The following SHISA6 variants were observed in gnomAD, a reference collection of about 807,000 sequenced individuals.
The protein encoded by SHISA6 is shisa family member 6, also known as protein shisa-6.
In SHISA6, 22 loss-of-function variants were observed where a neutral mutation model predicts 47.9. That is an observed-to-expected ratio of 0.46 (90% CI 0.33 to 0.66). The LOEUF is 0.66. Ranked by LOEUF, SHISA6 falls within the 30% of genes least tolerant of loss-of-function variation. The pLI is 0.02. For missense variants in SHISA6, 680 were observed against 764.6 expected (o/e 0.89, Z 1.30); for synonymous variants, 388 against 337.8 (o/e 1.15, Z -1.63).
chr17:11,379,096 A>G (rs1052577249), intron 2 of SHISA6, among the ~76,000 whole-genome samples: 1 of 149,706 alleles, frequency 6.7e-6, no homozygotes, highest in African/African-American at 2.4e-5. Context: ...AGTTTTATAT[A>G]CATATATGTG....
At chr17:11,544,373 C>A (rs2071863479) in intron 3 of SHISA6, among the ~76,000 whole-genome samples, 2 of 151,988 alleles carry the variant, frequency 1.3e-5, no homozygotes, top group Non-Finnish European at 2.9e-5. Flanking sequence ...AAAATGCAAT[C>A]TGATTTAAAA....
intron 3 of SHISA6, among the ~76,000 whole-genome samples, chr17:11,504,612 T>C (rs1018541501): frequency 6.6e-6 from 1 of 152,076 alleles, no homozygotes; most frequent in Non-Finnish European, 1.5e-5. Flanking sequence ...GTGGGGGGTA[T>C]TGCAAGAAAA....
intron 2 of SHISA6, among the ~76,000 whole-genome samples, chr17:11,303,459 G>A (rs1368939371): frequency 6.6e-6 from 1 of 152,068 alleles, no homozygotes; most frequent in Admixed American, 6.6e-5. Context: ...ATGGCTGTAT[G>A]TGTGGTTGTG....
At chr17:11,551,311 A>C (rs1457367252) in intron 3 of SHISA6, among the ~76,000 whole-genome samples, 1 of 152,200 alleles carries the variant, frequency 6.6e-6, no homozygotes, top group Non-Finnish European at 1.5e-5. Context: ...CCTTTGAACT[A>C]TTAGACTGTG....
intron 3 of SHISA6, among the ~76,000 whole-genome samples, chr17:11,457,463 G>A (rs1013191803): frequency 6.6e-6 from 1 of 152,144 alleles, no homozygotes; most frequent in African/African-American, 2.4e-5. Context: ...CGGGCACGGT[G>A]GCTCATGCCT....
chr17:11,414,914 C>T (rs1409794451), intron 3 of SHISA6, among the ~76,000 whole-genome samples: 8 of 151,744 alleles, frequency 5.3e-5, no homozygotes, highest in Non-Finnish European at 7.4e-5. Flanking sequence ...GGTGAAACCC[C>T]GTCTCTACTA....
intron 3 of SHISA6, among the ~76,000 whole-genome samples, chr17:11,477,793 C>T: frequency 6.6e-6 from 1 of 151,074 alleles, no homozygotes; most frequent in South Asian, 2.1e-4. Context: ...TGTATATGTG[C>T]CACATTTTCT....
chr17:11,391,924 T>C (rs936234084), intron 3 of SHISA6, among the ~76,000 whole-genome samples: 1 of 152,168 alleles, frequency 6.6e-6, no homozygotes, highest in African/African-American at 2.4e-5. Flanking sequence ...CTCTGAGTCT[T>C]GGACCATTCA....
chr17:11,474,875 T>C (rs1199217495), intron 3 of SHISA6, among the ~76,000 whole-genome samples: 1 of 152,180 alleles, frequency 6.6e-6, no homozygotes, highest in African/African-American at 2.4e-5. Context: ...ATCCACAATA[T>C]CCACAAAATA....
At chr17:11,390,432 C>G (rs1913346564) in intron 3 of SHISA6, among the ~76,000 whole-genome samples, 1 of 152,094 alleles carries the variant, frequency 6.6e-6, no homozygotes, top group African/African-American at 2.4e-5. Flanking sequence ...GAATCTTACC[C>G]CTCAAAGGAT....
At chr17:11,401,739 T>C (rs1913780962) in intron 3 of SHISA6, among the ~76,000 whole-genome samples, 1 of 152,194 alleles carries the variant, frequency 6.6e-6, no homozygotes, top group Admixed American at 6.5e-5. Flanking sequence ...ATATCCTCCA[T>C]GTGGTACCTC....
At chr17:11,411,440 A>T (rs139975326) in intron 3 of SHISA6, among the ~76,000 whole-genome samples, 6,864 of 151,978 alleles carry the variant, frequency 0.045, 330 homozygotes, top group African/African-American at 0.12. Context: ...TCTGTAGCCC[A>T]GGCTGGAGTG....
chr17:11,372,317 G>A (rs1453819360), intron 2 of SHISA6, among the ~76,000 whole-genome samples: 1 of 152,154 alleles, frequency 6.6e-6, no homozygotes, highest in Non-Finnish European at 1.5e-5. Context: ...TAGGTCAAAG[G>A]CATGCCCTTC....
intron 2 of SHISA6, among the ~76,000 whole-genome samples, chr17:11,329,326 G>A (rs554248480): frequency 1.8e-4 from 28 of 152,246 alleles, no homozygotes; most frequent in African/African-American, 5.5e-4. Context: ...TAATTCCAAC[G>A]TCGTTACATC....
intron 3 of SHISA6, among the ~76,000 whole-genome samples, chr17:11,433,115 G>T (rs1914834985): frequency 1.3e-5 from 2 of 152,114 alleles, no homozygotes; most frequent in Admixed American, 6.5e-5. Context: ...AAGTTCTGGG[G>T]TACATGCGCA....
intron 2 of SHISA6, among the ~76,000 whole-genome samples, chr17:11,322,717 T>C (rs761079099): frequency 5.9e-5 from 9 of 152,220 alleles, no homozygotes; most frequent in East Asian, 1.9e-4. Flanking sequence ...GAATTTCTTA[T>C]GTGCATACAT....
At chr17:11,405,883 C>T (rs79726698) in intron 3 of SHISA6, among the ~76,000 whole-genome samples, 1 of 152,106 alleles carries the variant, frequency 6.6e-6, no homozygotes, top group East Asian at 1.9e-4. Flanking sequence ...GTCTGTGATT[C>T]AGCTGCTCAA....
At chr17:11,242,158 C>T (rs1326275046) in intron 1 of SHISA6, 98 bp downstream of exon 1, 32 of 1,452,976 alleles carry the variant, frequency 2.2e-5, no homozygotes, top group Non-Finnish European at 2.8e-5. Context: ...ATCACACCTC[C>T]CCAGGCCCTC....
At chr17:11,293,822 C>T (rs1327051561) in intron 2 of SHISA6, among the ~76,000 whole-genome samples, 3 of 152,140 alleles carry the variant, frequency 2.0e-5, no homozygotes, top group Non-Finnish European at 4.4e-5. Flanking sequence ...CAAGTCCTGG[C>T]ACACGCTGCG....
Sources: gnomAD v4.1 joint callset for allele counts (sites outside exome capture counted in the v4.1 genomes callset) on GRCh38, gnomAD v4.1.1 for gene constraint, MANE v1.5 for transcripts, NCBI Gene and HGNC (gene_info 2026-07-23, HGNC 2026-07-21) for gene names.